Variants in QTMAN observed in about 807,000 individuals in gnomAD.
The protein encoded by QTMAN is queuosine-tRNA mannosyltransferase.
chr2:144,256,560 T>C, the QTMAN span, among the ~76,000 whole-genome samples: 1 of 152,130 alleles, frequency 6.6e-6, no homozygotes, highest in African/African-American at 2.4e-5. Flanking sequence ...GGGACATGAA[T>C]GAAGCTGGAA....
chr2:144,087,578 C>A, the QTMAN span, among the ~76,000 whole-genome samples: 1 of 152,016 alleles, frequency 6.6e-6, no homozygotes, highest in African/African-American at 2.4e-5. Flanking sequence ...AAAATACTAG[C>A]AAACTGAATC....
the QTMAN span, among the ~76,000 whole-genome samples, chr2:144,246,694 C>T: frequency 6.6e-6 from 1 of 152,118 alleles, no homozygotes; most frequent in South Asian, 2.1e-4. Flanking sequence ...CCACACTCTC[C>T]TCACATGGAC....
At chr2:144,048,238 T>C in the QTMAN span, among the ~76,000 whole-genome samples, 1 of 152,146 alleles carries the variant, frequency 6.6e-6, no homozygotes, top group Admixed American at 6.6e-5. Context: ...AGCCAAGTGA[T>C]CAGCTCAGCA....
the QTMAN span, among the ~76,000 whole-genome samples, chr2:144,274,406 G>A: frequency 1.3e-5 from 2 of 152,194 alleles, no homozygotes; most frequent in Admixed American, 1.3e-4. Context: ...GATACCCTCA[G>A]GATGGGGGCT....
At chr2:144,219,897 T>C in the QTMAN span, among the ~76,000 whole-genome samples, 1 of 152,230 alleles carries the variant, frequency 6.6e-6, no homozygotes, top group African/African-American at 2.4e-5. Flanking sequence ...ATCTCCAACA[T>C]TCTACATGAA....
chr2:144,045,661 T>G, the QTMAN span, among the ~76,000 whole-genome samples: 2 of 152,176 alleles, frequency 1.3e-5, no homozygotes, highest in Non-Finnish European at 2.9e-5. Flanking sequence ...GACCGAGTAG[T>G]GTGGCTTTCA....
At chr2:144,299,184 T>C in the QTMAN span, among the ~76,000 whole-genome samples, 1 of 152,172 alleles carries the variant, frequency 6.6e-6, no homozygotes, top group African/African-American at 2.4e-5. Context: ...CTCACTAGAC[T>C]TGACAAAAGA....
At chr2:144,126,617 T>C in the QTMAN span, among the ~76,000 whole-genome samples, 2 of 152,192 alleles carry the variant, frequency 1.3e-5, no homozygotes, top group South Asian at 4.1e-4. Flanking sequence ...AAATCATTTT[T>C]TTCCCTCATC....
the QTMAN span, among the ~76,000 whole-genome samples, chr2:143,953,398 C>A: frequency 2.0e-5 from 3 of 151,808 alleles, no homozygotes; most frequent in Non-Finnish European, 4.4e-5. Flanking sequence ...ACTCTTCCCC[C>A]TTTTGTTGAA....
the QTMAN span, chr2:143,952,093 A>T: frequency 6.9e-7 from 1 of 1,448,344 alleles, no homozygotes; most frequent in South Asian, 1.2e-5. Flanking sequence ...AAACAGATAC[A>T]TTTTTAATGA....
At chr2:144,105,071 A>C in the QTMAN span, among the ~76,000 whole-genome samples, 1 of 152,258 alleles carries the variant, frequency 6.6e-6, no homozygotes, top group African/African-American at 2.4e-5. Flanking sequence ...GAAAACTAAC[A>C]AACAGAAAGG....
At chr2:144,257,268 G>T in the QTMAN span, among the ~76,000 whole-genome samples, 1 of 151,958 alleles carries the variant, frequency 6.6e-6, no homozygotes, top group Admixed American at 6.6e-5. Flanking sequence ...GCAGAATAAA[G>T]ATTTCCCTAA....
the QTMAN span, among the ~76,000 whole-genome samples, chr2:144,092,466 C>T: frequency 2.5e-4 from 38 of 152,238 alleles, no homozygotes; most frequent in Admixed American, 8.5e-4. Flanking sequence ...TGAGCCACCA[C>T]GCCTGGCCAA....
the QTMAN span, among the ~76,000 whole-genome samples, chr2:144,052,515 T>A: frequency 6.6e-6 from 1 of 152,180 alleles, no homozygotes; most frequent in African/African-American, 2.4e-5. Flanking sequence ...GGTATTATCA[T>A]TCCAGTTTTT....
the QTMAN span, among the ~76,000 whole-genome samples, chr2:144,207,827 A>T: frequency 2.0e-5 from 3 of 150,942 alleles, no homozygotes; most frequent in African/African-American, 7.3e-5. Flanking sequence ...GTCCCATAAG[A>T]CTCTTTTATT....
At chr2:144,083,115 T>C in the QTMAN span, among the ~76,000 whole-genome samples, 8 of 152,206 alleles carry the variant, frequency 5.3e-5, no homozygotes, top group South Asian at 4.1e-4. Flanking sequence ...ACACAGAACC[T>C]GACTAAATGA....
the QTMAN span, chr2:144,011,950 C>A: frequency 6.5e-6 from 1 of 153,356 alleles, no homozygotes; most frequent in African/African-American, 2.4e-5. Flanking sequence ...ATTCTACTGC[C>A]CATCTTACAG....
At chr2:144,116,069 G>A in the QTMAN span, among the ~76,000 whole-genome samples, 2 of 152,128 alleles carry the variant, frequency 1.3e-5, no homozygotes, top group African/African-American at 2.4e-5. Context: ...TGTATGAGTA[G>A]TACGTTGAAT....
the QTMAN span, among the ~76,000 whole-genome samples, chr2:144,247,322 A>G: frequency 6.6e-6 from 1 of 152,246 alleles, no homozygotes; most frequent in African/African-American, 2.4e-5. Flanking sequence ...GAGGGACAAA[A>G]AGCAAAGCAA....
Sources: allele counts gnomAD v4.1 joint callset (sites outside exome capture counted in the v4.1 genomes callset), GRCh38; gene constraint gnomAD v4.1.1; transcripts MANE v1.5; gene names NCBI Gene and HGNC (gene_info 2026-07-23, HGNC 2026-07-21).